The following KNDC1 variants were observed in gnomAD, a reference collection of about 807,000 sequenced individuals.
KNDC1 encodes kinase non-catalytic C-lobe domain containing 1.
KNDC1 carries 106 observed loss-of-function variants against 172.8 expected under a neutral mutation model. The ratio of observed to expected loss-of-function variants is 0.61; its 90% confidence interval spans 0.52 to 0.72. KNDC1 has a LOEUF of 0.72. KNDC1 is among the 30% of genes least tolerant of loss of function. The pLI, the probability that KNDC1 is intolerant of heterozygous loss-of-function variation, is 0.00. For missense variants in KNDC1, 2,325 were observed against 2,394.5 expected (o/e 0.97, Z 0.61); for synonymous variants, 1,083 against 1,062.2 (o/e 1.02, Z -0.38).
At chr10:133,215,789 A>C (rs1175510838) in intron 26 of KNDC1, among the ~76,000 whole-genome samples, 4 of 152,212 alleles carry the variant, frequency 2.6e-5, no homozygotes. Context: ...CGTCCTGGTC[A>C]CGCACCCGTG....
At position 133,214,099 on chromosome 10, in the gene KNDC1, A is replaced by G. The variant is rs755210885; in HGVS notation, c.4654A>G (p.Ile1552Val). 6.2e-7 allele frequency: 1 copy of G among 1,613,986 alleles called. No individual in the cohort carries two copies. Among genetic ancestry groups the G allele is most frequent in the Non-Finnish European group, 8.5e-7 (1 of 1,179,980 alleles). The change falls in exon 26 of 30, where the codon ATT becomes GTT. Residue 1552 changes from isoleucine to valine, a missense_variant. Ile to Val is a conservative substitution (Grantham distance 29). Coordinates refer to ENST00000304613, the MANE Select transcript of KNDC1 (RefSeq NM_152643.8). ...DDVSTWVAAE[I>V]VTSHTSKLQV... Reference sequence around the variant, plus strand: ...CGTCAGCACCTGGGTGGCTGCAGAGATTGTGACCAGCCACACCTCCAAGGT... The same window carrying G: ...CGTCAGCACCTGGGTGGCTGCAGAGGTTGTGACCAGCCACACCTCCAAGGT...
At chr10:133,173,627 A>G (rs921104327) in intron 3 of KNDC1, among the ~76,000 whole-genome samples, 7 of 152,216 alleles carry the variant, frequency 4.6e-5, no homozygotes, top group Admixed American at 1.3e-4. Context: ...ATACAACTTG[A>G]AGGATTTTCA....
chr10:133,216,750 G>A (rs1197328172), intron 26 of KNDC1, among the ~76,000 whole-genome samples: 1 of 152,218 alleles, frequency 6.6e-6, no homozygotes, highest in Admixed American at 6.5e-5. Flanking sequence ...TAAAAATATG[G>A]AACACCATAG....
intron 23 of KNDC1, among the ~76,000 whole-genome samples, chr10:133,212,288 C>T (rs955364869): frequency 1.3e-5 from 2 of 151,446 alleles, no homozygotes; most frequent in Non-Finnish European, 2.9e-5. Flanking sequence ...CATCCACACA[C>T]ACACGCATGC....
At chr10:133,221,742 G>C (rs761366866) in intron 29 of KNDC1, among the ~76,000 whole-genome samples, 5 of 152,192 alleles carry the variant, frequency 3.3e-5, no homozygotes, top group Non-Finnish European at 5.9e-5. Context: ...TATGCTTATC[G>C]TAAGAGATCA....
intron 26 of KNDC1, among the ~76,000 whole-genome samples, chr10:133,214,326 C>T (rs1181831229): frequency 6.6e-6 from 1 of 152,218 alleles, no homozygotes; most frequent in Non-Finnish European, 1.5e-5. Context: ...GTCAGCCGCC[C>T]TCCCAGCTCT....
chr10:133,180,454 T>C (rs1158758699), intron 3 of KNDC1, among the ~76,000 whole-genome samples: 1 of 152,394 alleles, frequency 6.6e-6, no homozygotes, highest in East Asian at 1.9e-4. Context: ...CCCTTCCTTA[T>C]GGTGCCAGCC....
intron 9 of KNDC1, among the ~76,000 whole-genome samples, chr10:133,194,229 C>A (rs2998142): frequency 0.061 from 9,255 of 152,230 alleles, 528 homozygotes; most frequent in African/African-American, 0.15. Flanking sequence ...AATGTGTTCT[C>A]TGACCACAGT....
intron 17 of KNDC1, among the ~76,000 whole-genome samples, chr10:133,205,173 A>C (rs983580756): frequency 8.6e-5 from 13 of 152,034 alleles, no homozygotes; most frequent in African/African-American, 3.1e-4. Context: ...TCCAGCCTCT[A>C]CGCCCGTGTG....
intron 3 of KNDC1, among the ~76,000 whole-genome samples, chr10:133,180,116 C>T (rs1425794500): frequency 6.6e-6 from 1 of 152,256 alleles, no homozygotes; most frequent in African/African-American, 2.4e-5. Flanking sequence ...CTGCTCTTCG[C>T]CGGTGGCTCA....
At chr10:133,164,643 C>G (rs1014929722) in intron 1 of KNDC1, among the ~76,000 whole-genome samples, 1 of 152,232 alleles carries the variant, frequency 6.6e-6, no homozygotes, top group Admixed American at 6.5e-5. Flanking sequence ...TACTTGAGCA[C>G]GAAGCTTCCT....
rs773005915 is a variant in KNDC1, at chr10:133,186,654, G to C, written c.1306G>C (p.Glu436Gln). Residue 436 changes from glutamate (E) to glutamine (Q), a missense_variant, in exon 6 of 30, where the codon GAA (glutamate) becomes CAA (glutamine). By Grantham distance (29) the Glu-to-Gln change is conservative (BLOSUM62 2). Transcript: ENST00000304613. ...ERIPEGARQL[E>Q]SAAAEQWVSL... ...AATTCCAGAAGGAGCTAGGCAGCTG[G>C]AAAGTGCAGCCGCGGAGCAGGTGGG... 4.8e-5 allele frequency: 76 copies of C among 1,588,556 alleles called. No homozygotes were observed. Among genetic ancestry groups the C allele is most frequent in the Non-Finnish European group, 5.6e-5 (66 of 1,176,014 alleles).
At chr10:133,205,673 T>G (rs1845166698) in intron 17 of KNDC1, among the ~76,000 whole-genome samples, 1 of 152,086 alleles carries the variant, frequency 6.6e-6, no homozygotes, top group Non-Finnish European at 1.5e-5. Context: ...TTCTTTAAGT[T>G]TAAAAGAAAG....
At position 133,198,817 on chromosome 10, in the gene KNDC1, C is replaced by T. The variant is rs1854273735; in HGVS notation, c.2309C>T (p.Pro770Leu). Residue 770 changes from proline to leucine, a missense_variant, in exon 14 of 30, where the codon CCA becomes CTA. By Grantham distance (98) the Pro-to-Leu change is moderately conservative. Coordinates refer to ENST00000304613, the MANE Select transcript of KNDC1 (RefSeq NM_152643.8). The stretch of plus-strand genomic sequence containing the variant: ...CCACCCCAGGCCCCAGCAAACCAGC[C>T]AGAGGGGGCCTCATCGGCAGCTCCC... ...CPPPQAPANQ[P>L]EGASSAAPGS... 1.3e-6 allele frequency: 2 copies of T among 1,598,610 alleles called. No individual in the cohort carries two copies. The highest frequency in any genetic ancestry group is 1.7e-5 in the Admixed American group (1 of 58,918).
chr10:133,220,260 G>A lies in KNDC1; in HGVS notation c.5018+148G>A, dbSNP rs1482802941. 1.2e-4 allele frequency: 35 copies of A among 297,142 alleles called. 2 individuals carry two copies. In the South Asian group the frequency reaches 1.8e-3, roughly 15 times the overall value. 18.4% of individuals were successfully genotyped at this position (297,142 alleles called of 1,614,324 possible). ...GCCCAGGTGAGGAGGGGCTCAGGCG[G>A]GCGCGCGCCCAGGAGAGGAGGGGCT... On this transcript the variant is annotated intron_variant, in intron 29 of 29. Transcript: ENST00000304613.
chr10:133,181,256 G>C (rs538039141), intron 3 of KNDC1, among the ~76,000 whole-genome samples: 1 of 152,258 alleles, frequency 6.6e-6, no homozygotes, highest in African/African-American at 2.4e-5. Flanking sequence ...GCATCAGAGC[G>C]GAGGGGACGG....
intron 15 of KNDC1, among the ~76,000 whole-genome samples, chr10:133,199,859 C>T (rs1854312080): frequency 6.6e-6 from 1 of 152,276 alleles, no homozygotes; most frequent in African/African-American, 2.4e-5. Context: ...GAATATGAGG[C>T]AGGGGCTCTC....
At chr10:133,173,699 G>C (rs1303677906) in intron 3 of KNDC1, among the ~76,000 whole-genome samples, 2 of 152,208 alleles carry the variant, frequency 1.3e-5, no homozygotes, top group Non-Finnish European at 2.9e-5. Flanking sequence ...TGTTCCCCGG[G>C]TCACTGTCTG....
chr10:133,200,121 C>T (rs1854318568), intron 15 of KNDC1, among the ~76,000 whole-genome samples: 1 of 152,150 alleles, frequency 6.6e-6, no homozygotes, highest in Non-Finnish European at 1.5e-5. Flanking sequence ...AGCAAGGGCA[C>T]CCACCCCAGC....
Sources: allele counts gnomAD v4.1 joint callset (sites outside exome capture counted in the v4.1 genomes callset), GRCh38; gene constraint gnomAD v4.1.1; transcripts MANE v1.5; gene names NCBI Gene and HGNC (gene_info 2026-07-23, HGNC 2026-07-21).